Variants in SEMA3E observed in about 807,000 individuals in gnomAD.
SEMA3E encodes the protein semaphorin 3E, also known as semaphorin-3E.
SEMA3E carries 49 observed loss-of-function variants against 93.6 expected under a neutral mutation model. That is an observed-to-expected ratio of 0.52 (90% confidence interval 0.42 to 0.66). The LOEUF (loss-of-function observed/expected upper bound fraction) is 0.66. SEMA3E is among the 30% of genes least tolerant of loss of function. SEMA3E has a pLI of 0.00. For synonymous variants in SEMA3E, 363 were observed against 330.7 expected, an observed-to-expected ratio of 1.10 and a Z score of -1.06; for missense variants, 906 against 964.8, an observed-to-expected ratio of 0.94 and a Z score of 0.81.
chr7:83,435,002 C>T (rs561903649), intron 4 of SEMA3E, among the ~76,000 whole-genome samples: 1 of 152,068 alleles, frequency 6.6e-6, no homozygotes, highest in African/African-American at 2.4e-5. Context: ...CGTGAGCCAC[C>T]GCGCCCGGCC....
intron 7 of SEMA3E, 137 bp downstream of exon 7, chr7:83,406,960 T>A: frequency 4.1e-6 from 4 of 981,196 alleles, no homozygotes; most frequent in Non-Finnish European, 6.2e-6. Context: ...AATGTAGAGG[T>A]TGGTATAGTA....
chr7:83,531,506 C>A (rs1339264231), intron 1 of SEMA3E, among the ~76,000 whole-genome samples: 1 of 151,790 alleles, frequency 6.6e-6, no homozygotes, highest in Non-Finnish European at 1.5e-5. Flanking sequence ...GTGCGTGCCA[C>A]CATGCCCAGT....
rs73391498 is a variant in SEMA3E at position 83,433,129 on chromosome 7, C to T, written c.457-14646G>A. Among the ~76,000 whole-genome samples, 953 of 152,152 alleles carry T rather than the reference C, an allele frequency of 6.3e-3. 10 individuals are homozygous for T. The highest frequency in any genetic ancestry group is 0.022 in the African/African-American group (919 of 41,544). ...CTTGAAAGACAACTCTGTAAAGGGG[C>T]TTTGCACTAGTACCAAACTCACACA... On this transcript the variant is annotated intron_variant, in intron 4 of 16. Coordinates refer to ENST00000643230, the MANE Select transcript of SEMA3E (RefSeq NM_012431.3).
chr7:83,570,540 G>A (rs1220500863), intron 1 of SEMA3E, among the ~76,000 whole-genome samples: 6 of 79,998 alleles, frequency 7.5e-5, no homozygotes, highest in South Asian at 4.8e-4. Context: ...GCGACAGAGC[G>A]AGACTCCGTC....
At chr7:83,513,542 G>C (rs1790866778) in intron 1 of SEMA3E, among the ~76,000 whole-genome samples, 1 of 152,072 alleles carries the variant, frequency 6.6e-6, no homozygotes, top group Non-Finnish European at 1.5e-5. Flanking sequence ...TAAGTGAAGG[G>C]GACATTGCCA....
At chr7:83,529,558 C>T (rs952975577) in intron 1 of SEMA3E, among the ~76,000 whole-genome samples, 1 of 152,026 alleles carries the variant, frequency 6.6e-6, no homozygotes, top group Non-Finnish European at 1.5e-5. Flanking sequence ...TCTATGCATA[C>T]GAAGAGACTT....
At chr7:83,642,801 T>C (rs1794031628) in intron 1 of SEMA3E, among the ~76,000 whole-genome samples, 1 of 152,064 alleles carries the variant, frequency 6.6e-6, no homozygotes, top group African/African-American at 2.4e-5. Flanking sequence ...CTGCACCCTT[T>C]GGAAAATATT....
intron 1 of SEMA3E, among the ~76,000 whole-genome samples, chr7:83,631,403 C>A (rs1793781935): frequency 6.6e-6 from 1 of 152,016 alleles, no homozygotes; most frequent in Non-Finnish European, 1.5e-5. Context: ...TAAACTCCTT[C>A]CAAATACTGA....
At chr7:83,408,250 T>C in intron 6 of SEMA3E, 118 bp downstream of exon 6, 1 of 1,174,202 alleles carries the variant, frequency 8.5e-7, no homozygotes, top group East Asian at 2.6e-5. Context: ...AGTAAAACAT[T>C]CTGAAATTTG....
At chr7:83,467,822 C>G (rs1373368634) in intron 3 of SEMA3E, among the ~76,000 whole-genome samples, 1 of 152,018 alleles carries the variant, frequency 6.6e-6, no homozygotes, top group East Asian at 1.9e-4. Context: ...GAGCACAGCA[C>G]CTAATACATA....
chr7:83,549,358 A>G (rs991556000), intron 1 of SEMA3E, among the ~76,000 whole-genome samples: 9 of 152,172 alleles, frequency 5.9e-5, no homozygotes, highest in Non-Finnish European at 1.0e-4. Flanking sequence ...CATCAGATGG[A>G]CCTGAGTTAG....
chr7:83,589,503 C>T (rs901012293), intron 1 of SEMA3E, among the ~76,000 whole-genome samples: 5 of 152,042 alleles, frequency 3.3e-5, no homozygotes, highest in East Asian at 1.9e-4. Context: ...TCCCCACTCA[C>T]GAGACATCTA....
At chr7:83,479,399 A>G (rs1383226984) in intron 2 of SEMA3E, among the ~76,000 whole-genome samples, 1 of 152,168 alleles carries the variant, frequency 6.6e-6, no homozygotes, top group Non-Finnish European at 1.5e-5. Flanking sequence ...ACTGTATTAT[A>G]AATATTTTAG....
At chr7:83,534,837 T>C (rs1791380795) in intron 1 of SEMA3E, among the ~76,000 whole-genome samples, 1 of 152,180 alleles carries the variant, frequency 6.6e-6, no homozygotes, top group African/African-American at 2.4e-5. Flanking sequence ...TTGTTTAATG[T>C]AAGTTTTTTG....
At chr7:83,527,931 C>A (rs1171274450) in intron 1 of SEMA3E, among the ~76,000 whole-genome samples, 1 of 151,584 alleles carries the variant, frequency 6.6e-6, no homozygotes, top group Non-Finnish European at 1.5e-5. Flanking sequence ...GTTAAGAAAA[C>A]CAAGAAAAAG....
At chr7:83,579,425 G>A (rs1039116240) in intron 1 of SEMA3E, among the ~76,000 whole-genome samples, 1 of 151,986 alleles carries the variant, frequency 6.6e-6, no homozygotes, top group Non-Finnish European at 1.5e-5. Context: ...TTGTTTTAAA[G>A]GAATCATTGT....
intron 5 of SEMA3E, among the ~76,000 whole-genome samples, chr7:83,412,776 A>AAC: frequency 6.6e-6 from 1 of 151,942 alleles, no homozygotes; most frequent in African/African-American, 2.4e-5. Flanking sequence ...AAAAAAAAAA[A>AAC]AACACACAGG....
intron 1 of SEMA3E, among the ~76,000 whole-genome samples, chr7:83,547,210 T>C (rs1459816425): frequency 1.3e-5 from 2 of 152,170 alleles, no homozygotes; most frequent in East Asian, 3.8e-4. Flanking sequence ...CACCTTTTGG[T>C]AATCTTTATG....
At chr7:83,539,368 A>C (rs1163836506) in intron 1 of SEMA3E, among the ~76,000 whole-genome samples, 2 of 152,192 alleles carry the variant, frequency 1.3e-5, no homozygotes, top group Admixed American at 6.5e-5. Flanking sequence ...TGATAAAGCA[A>C]CAGACATTTG....
Sources: allele counts gnomAD v4.1 joint callset (sites outside exome capture counted in the v4.1 genomes callset), GRCh38; gene constraint gnomAD v4.1.1; transcripts MANE v1.5; gene names NCBI Gene and HGNC (gene_info 2026-07-23, HGNC 2026-07-21).